The following NALF1 variants were observed in gnomAD, a reference collection of about 807,000 sequenced individuals.
The protein encoded by NALF1 is family with sequence similarity 155 member A.
A neutral mutation model predicts 48.4 loss-of-function variants in NALF1; 3 were observed. The observed-to-expected ratio is 0.06, with a 90% CI of 0.03 to 0.16. The LOEUF (loss-of-function observed/expected upper bound fraction) is 0.16. Among genes scored for constraint, NALF1 ranks in the 10% least tolerant of loss-of-function variants. The probability of loss-of-function intolerance (pLI) is 1.00; values close to 1 mark genes in which losing one functional copy is unlikely to be tolerated. For synonymous variants in NALF1, 262 were observed against 245.7 expected (o/e 1.07, Z -0.62); for missense variants, 526 against 571.5 (o/e 0.92, Z 0.81).
chr13:107,573,683 T>TTG (rs1555309796), intron 1 of NALF1, among the ~76,000 whole-genome samples: 1 of 151,872 alleles, frequency 6.6e-6, no homozygotes, highest in Non-Finnish European at 1.5e-5. Context: ...CCACATGTCA[T>TTG]GGGGGGGACC....
intron 1 of NALF1, among the ~76,000 whole-genome samples, chr13:107,378,351 T>G (rs545354004): frequency 5.2e-4 from 79 of 152,136 alleles, no homozygotes; most frequent in African/African-American, 1.6e-3. Flanking sequence ...TAGTGGTTAT[T>G]ACAATGTAAT....
chr13:107,780,023 A>T (rs1029682717), intron 1 of NALF1, among the ~76,000 whole-genome samples: 7 of 148,854 alleles, frequency 4.7e-5, no homozygotes, highest in Admixed American at 3.5e-4. Context: ...TCTATCTCCA[A>T]GACATACTTT....
At chr13:107,211,985 C>G (rs557702577) in intron 1 of NALF1, among the ~76,000 whole-genome samples, 2 of 152,084 alleles carry the variant, frequency 1.3e-5, no homozygotes, top group Non-Finnish European at 2.9e-5. Context: ...AGACTTCAAA[C>G]CCATGTTCTG....
intron 1 of NALF1, among the ~76,000 whole-genome samples, chr13:107,848,828 T>A (rs1042928745): frequency 3.3e-5 from 5 of 152,196 alleles, no homozygotes; most frequent in African/African-American, 1.2e-4. Flanking sequence ...CAGGGGAAAT[T>A]TCTGAAATAC....
intron 1 of NALF1, among the ~76,000 whole-genome samples, chr13:107,226,524 G>A (rs1054646746): frequency 2.0e-5 from 3 of 152,152 alleles, no homozygotes; most frequent in Admixed American, 6.5e-5. Context: ...GGAACAAAAT[G>A]AGTACATGAC....
chr13:107,301,929 C>T (rs16969969), intron 1 of NALF1, among the ~76,000 whole-genome samples: 22 of 152,076 alleles, frequency 1.4e-4, no homozygotes, highest in African/African-American at 4.6e-4. Context: ...AATTAGAGGG[C>T]GCTCTAGTTT....
chr13:107,599,431 A>T (rs1213233538), intron 1 of NALF1, among the ~76,000 whole-genome samples: 3 of 151,414 alleles, frequency 2.0e-5, no homozygotes, highest in Admixed American at 6.6e-5. Flanking sequence ...CAAAAAAAAA[A>T]AAAAAAAATA....
rs9555392 is a variant in NALF1, at chr13:107,623,881, T to C, written c.915+241801A>G. Among the ~76,000 whole-genome samples the C allele has an allele frequency of 4.1e-3, 621 of 152,268 alleles. 8 individuals carry two copies. In the East Asian group the frequency reaches 0.051, roughly 13 times the overall value. On this transcript the variant is annotated intron_variant, in intron 1 of 2. Transcript: ENST00000375915. Reference sequence around the variant, plus strand: ...GCCCAAAAGATAAGGAATTATTTTCTAGATGGAGAGAAAATGACATGCAAA... The same window carrying C: ...GCCCAAAAGATAAGGAATTATTTTCCAGATGGAGAGAAAATGACATGCAAA...
intron 1 of NALF1, among the ~76,000 whole-genome samples, chr13:107,553,763 G>C (rs1193736190): frequency 1.3e-5 from 2 of 152,184 alleles, no homozygotes; most frequent in Non-Finnish European, 2.9e-5. Context: ...AGCCTCTTCT[G>C]TCTCTGCTTC....
chr13:107,335,058 A>C (rs1046443654), intron 1 of NALF1, among the ~76,000 whole-genome samples: 1 of 152,166 alleles, frequency 6.6e-6, no homozygotes, highest in African/African-American at 2.4e-5. Context: ...GATCTCCTCA[A>C]TACCACGGTC....
intron 1 of NALF1, among the ~76,000 whole-genome samples, chr13:107,412,988 C>T (rs1318519940): frequency 1.3e-5 from 2 of 152,068 alleles, no homozygotes; most frequent in Admixed American, 1.3e-4. Context: ...TGAAGAATTT[C>T]ACATTAAGGA....
intron 1 of NALF1, among the ~76,000 whole-genome samples, chr13:107,740,728 T>G (rs1297218704): frequency 6.6e-6 from 1 of 152,240 alleles, no homozygotes; most frequent in East Asian, 1.9e-4. Flanking sequence ...GGGCATCATT[T>G]TCCATGCTTC....
intron 1 of NALF1, among the ~76,000 whole-genome samples, chr13:107,248,708 CA>C (rs1357423998): frequency 4.6e-5 from 7 of 151,180 alleles, no homozygotes; most frequent in African/African-American, 1.7e-4. Flanking sequence ...AGCACAGACA[CA>C]GAACATTTTT....
chr13:107,320,518 ATTAAACAG>A (rs1274046733), intron 1 of NALF1, among the ~76,000 whole-genome samples: 7 of 152,108 alleles, frequency 4.6e-5, no homozygotes, highest in African/African-American at 1.7e-4. Flanking sequence ...CCGAAATAAT[ATTAAACAG>A]TTAATCATGA....
At position 107,632,449 on chromosome 13, in the gene NALF1, C is replaced by G. The variant is rs180699543; in HGVS notation, c.915+233233G>C. Among the ~76,000 whole-genome samples, 355 of 152,194 alleles carry G rather than the reference C, an allele frequency of 2.3e-3. 5 individuals are homozygous for G. The highest frequency in any genetic ancestry group is 0.021 in the Admixed American group (320 of 15,288). ...TTCCTACTCTCTTCTGTCTTCCCTT[C>G]TCTCCCCTTCCTAAGGAACCCACCT... On this transcript the variant is annotated intron_variant, in intron 1 of 2. Coordinates refer to ENST00000375915, the MANE Select transcript of NALF1 (RefSeq NM_001080396.3).
At chr13:107,489,865 A>T (rs530500182) in intron 1 of NALF1, among the ~76,000 whole-genome samples, 1 of 152,346 alleles carries the variant, frequency 6.6e-6, no homozygotes, top group East Asian at 1.9e-4. Context: ...AATATCCAGC[A>T]TCTATAAGAA....
At chr13:107,539,428 T>C (rs2139117667) in intron 1 of NALF1, among the ~76,000 whole-genome samples, 2 of 150,016 alleles carry the variant, frequency 1.3e-5, no homozygotes, top group Non-Finnish European at 1.5e-5. Context: ...AATCACCTCT[T>C]ATTAGCCCCG....
At chr13:107,269,149 G>C (rs900147405) in intron 1 of NALF1, among the ~76,000 whole-genome samples, 3 of 150,318 alleles carry the variant, frequency 2.0e-5, no homozygotes, top group Non-Finnish European at 1.5e-5. Context: ...GAGACACAGT[G>C]AGACCCTGTC....
intron 2 of NALF1, among the ~76,000 whole-genome samples, chr13:107,189,781 A>G (rs888586882): frequency 6.6e-6 from 1 of 152,226 alleles, no homozygotes; most frequent in Non-Finnish European, 1.5e-5. Context: ...GATTACTCTC[A>G]TAAATGGGAA....
Sources: allele counts gnomAD v4.1 joint callset (sites outside exome capture counted in the v4.1 genomes callset), GRCh38; gene constraint gnomAD v4.1.1; transcripts MANE v1.5; gene names NCBI Gene and HGNC (gene_info 2026-07-23, HGNC 2026-07-21).